The following PHTF2 variants were observed in gnomAD, a reference collection of about 807,000 sequenced individuals.
The protein encoded by PHTF2 is putative homeodomain transcription factor 2.
In PHTF2, 60 loss-of-function variants were observed where a neutral mutation model predicts 101.2. The ratio of observed to expected loss-of-function variants is 0.59; its 90% CI spans 0.48 to 0.73. The LOEUF (loss-of-function observed/expected upper bound fraction) is 0.73. Ranked by LOEUF, PHTF2 falls within the 30% of genes least tolerant of loss-of-function variation. PHTF2 has a pLI of 0.00. For synonymous variants in PHTF2, 311 were observed against 307.3 expected (o/e 1.01, Z -0.13); for missense variants, 747 against 908.7 (o/e 0.82, Z 2.29).
At position 77,940,308 on chromosome 7, in the gene PHTF2, T is replaced by C. The variant is rs373774423; in HGVS notation, c.1740+6T>C. On this transcript the variant is annotated splice_donor_region_variant and intron_variant, in intron 14 of 19. Transcript: ENST00000416283. Reference sequence around the variant, plus strand: ...CAGAAAGAACTTATAAACAGGTGGGTATAATGTAGACTTCCGAATAAGAAT... The same window carrying C: ...CAGAAAGAACTTATAAACAGGTGGGCATAATGTAGACTTCCGAATAAGAAT... 1.3e-4 allele frequency: 209 copies of C among 1,590,188 alleles called. No individual in the cohort carries two copies. Among genetic ancestry groups the C allele is most frequent in the Non-Finnish European group, 1.7e-4 (203 of 1,170,304 alleles).
intron 7 of PHTF2, among the ~76,000 whole-genome samples, chr7:77,907,066 T>C (rs1801934955): frequency 6.6e-6 from 1 of 152,148 alleles, no homozygotes; most frequent in South Asian, 2.1e-4. Flanking sequence ...ACTGTATGTA[T>C]GCTGTGTACT....
At chr7:77,851,092 G>A (rs939585844) in intron 2 of PHTF2, among the ~76,000 whole-genome samples, 5 of 152,106 alleles carry the variant, frequency 3.3e-5, no homozygotes, top group Admixed American at 1.3e-4. Context: ...GTCTTTGTCT[G>A]GTTTGGGTAT....
chr7:77,884,894 G>A (rs1007591636), intron 3 of PHTF2, among the ~76,000 whole-genome samples: 29 of 133,876 alleles, frequency 2.2e-4, no homozygotes, highest in African/African-American at 5.2e-4. Context: ...GCGAGACTTC[G>A]TCTCAAAATA....
chr7:77,824,259 GT>G (rs761677558), intron 1 of PHTF2, among the ~76,000 whole-genome samples: 1,525 of 138,352 alleles, frequency 0.011, 29 homozygotes, highest in African/African-American at 0.033. Context: ...ATCCTGGTTT[GT>G]TTTTTTTTTT....
intron 1 of PHTF2, among the ~76,000 whole-genome samples, chr7:77,803,811 A>G (rs1480548255): frequency 1.3e-5 from 2 of 152,112 alleles, no homozygotes; most frequent in Admixed American, 6.5e-5. Context: ...GGGAGGCAAT[A>G]GGATTCAACC....
At chr7:77,878,565 G>A (rs1043738333) in intron 3 of PHTF2, among the ~76,000 whole-genome samples, 30 of 152,096 alleles carry the variant, frequency 2.0e-4, no homozygotes, top group Non-Finnish European at 4.3e-4. Flanking sequence ...TACAAAGGTG[G>A]TTTCAAAGGA....
At chr7:77,891,569 A>G (rs1430716375) in intron 3 of PHTF2, among the ~76,000 whole-genome samples, 2 of 118,900 alleles carry the variant, frequency 1.7e-5, no homozygotes, top group African/African-American at 8.0e-5. Flanking sequence ...TGGGGGTATA[A>G]TATGGTTTTT....
chr7:77,874,974 G>C (rs1009065518), intron 3 of PHTF2, among the ~76,000 whole-genome samples: 1 of 152,094 alleles, frequency 6.6e-6, no homozygotes, highest in African/African-American at 2.4e-5. Flanking sequence ...TGTTCCATTG[G>C]TCTCTGTGTC....
At chr7:77,907,744 C>T (rs1211038632) in intron 7 of PHTF2, 1 of 152,100 alleles carries the variant, frequency 6.6e-6, no homozygotes, top group Non-Finnish European at 1.5e-5. Context: ...ACATTTTACC[C>T]CTGAATACAT....
At chr7:77,929,146 G>C (rs376417272) in exon 12 of PHTF2, 1 of 1,613,804 alleles carries the variant, frequency 6.2e-7, no homozygotes, top group African/African-American at 1.3e-5. Flanking sequence ...AGCTCTCGCT[G>C]TTCAAGTTCC....
rs147214890 is a variant in PHTF2 at position 77,887,711 on chromosome 7, A to T, written c.148-5897A>T. ...CCAGACATGTTACCAAAGATACAGG[A>T]TGAGTTTGTAGATGACAAAGTGCTT... On this transcript the variant is annotated intron_variant, in intron 3 of 19. Transcript: ENST00000416283. Among the ~76,000 whole-genome samples, 58 of 152,332 alleles carry T rather than the reference A, an allele frequency of 3.8e-4. No homozygotes were observed. In the Middle Eastern group the frequency reaches 0.01, roughly 27 times the overall value.
At chr7:77,955,603 A>C (rs1280372340) in exon 20 of PHTF2, 1 of 152,692 alleles carries the variant, frequency 6.5e-6, no homozygotes, top group Admixed American at 6.5e-5. Context: ...CACTTTTTAA[A>C]ATTGTTACTT....
At chr7:77,880,812 T>C (rs1290134504) in intron 3 of PHTF2, among the ~76,000 whole-genome samples, 1 of 152,212 alleles carries the variant, frequency 6.6e-6, no homozygotes, top group Non-Finnish European at 1.5e-5. Flanking sequence ...ATGAGGAAAC[T>C]TGCAAGTGCA....
At chr7:77,946,537 T>C (rs1389461352) in intron 16 of PHTF2, among the ~76,000 whole-genome samples, 5 of 152,214 alleles carry the variant, frequency 3.3e-5, no homozygotes, top group Admixed American at 1.3e-4. Flanking sequence ...TTATTTAAAA[T>C]AGATTTGTTA....
chr7:77,944,407 G>C (rs893186262), intron 16 of PHTF2, among the ~76,000 whole-genome samples: 1 of 152,156 alleles, frequency 6.6e-6, no homozygotes, highest in Non-Finnish European at 1.5e-5. Context: ...TGACAAGGAC[G>C]GGGGAAAAGT....
At chr7:77,852,651 G>C (rs1796859092) in intron 2 of PHTF2, among the ~76,000 whole-genome samples, 1 of 152,088 alleles carries the variant, frequency 6.6e-6, no homozygotes. Flanking sequence ...ACAATATTCT[G>C]TGTTTGTCTG....
At chr7:77,916,488 A>G (rs978500689) in intron 9 of PHTF2, among the ~76,000 whole-genome samples, 4 of 152,176 alleles carry the variant, frequency 2.6e-5, no homozygotes, top group African/African-American at 4.8e-5. Context: ...TTTACCTGCA[A>G]TAATTGGAAT....
chr7:77,910,276 C>T, exon 9 of PHTF2: 2 of 1,613,258 alleles, frequency 1.2e-6, no homozygotes, highest in Non-Finnish European at 1.7e-6. Context: ...TTTGGAAGTA[C>T]ATAGGGAAGG....
At chr7:77,863,473 G>A (rs1178995401) in intron 3 of PHTF2, among the ~76,000 whole-genome samples, 1 of 152,070 alleles carries the variant, frequency 6.6e-6, no homozygotes, top group Non-Finnish European at 1.5e-5. Flanking sequence ...AGAAAACCAA[G>A]GAGTAAATTA....
Sources: gnomAD v4.1 joint callset for allele counts (sites outside exome capture counted in the v4.1 genomes callset) on GRCh38, gnomAD v4.1.1 for gene constraint, MANE v1.5 for transcripts, NCBI Gene and HGNC (gene_info 2026-07-23, HGNC 2026-07-21) for gene names.